The following ADAMTS6 variants were observed in gnomAD, a reference collection of about 807,000 sequenced individuals.
The protein encoded by ADAMTS6 is A disintegrin and metalloproteinase with thrombospondin motifs 6.
In ADAMTS6, 23 loss-of-function variants were observed where a neutral mutation model predicts 144.3. The ratio of observed to expected loss-of-function variants is 0.16; its 90% CI spans 0.11 to 0.23. The LOEUF is 0.23. Ranked by LOEUF, ADAMTS6 falls within the 10% of genes least tolerant of loss-of-function variation. The probability of loss-of-function intolerance (pLI) is 1.00; values close to 1 mark genes in which losing one functional copy is unlikely to be tolerated. For missense variants in ADAMTS6, 999 were observed against 1,379.6 expected (o/e 0.72, Z 4.37); for synonymous variants, 444 against 457.5 (o/e 0.97, Z 0.38).
At chr5:65,436,306 G>A (rs941836565) in intron 7 of ADAMTS6, among the ~76,000 whole-genome samples, 1 of 152,014 alleles carries the variant, frequency 6.6e-6, no homozygotes, top group African/African-American at 2.4e-5. Context: ...GTAAGACCTT[G>A]TCTCAAAACA....
chr5:65,224,290 C>T, intron 18 of ADAMTS6, 30 bp downstream of exon 18: 1 of 1,584,918 alleles, frequency 6.3e-7, no homozygotes, highest in Non-Finnish European at 8.7e-7. Context: ...CTTTTAAAAT[C>T]CAGCAAACTA....
At chr5:65,465,810 T>C (rs1759949596) in intron 3 of ADAMTS6, among the ~76,000 whole-genome samples, 1 of 152,214 alleles carries the variant, frequency 6.6e-6, no homozygotes, top group Non-Finnish European at 1.5e-5. Context: ...TTCTATGTTG[T>C]TTCTGCTACA....
chr5:65,441,623 TC>T (rs1383816974), intron 7 of ADAMTS6, among the ~76,000 whole-genome samples: 1 of 152,106 alleles, frequency 6.6e-6, no homozygotes, highest in Non-Finnish European at 1.5e-5. Flanking sequence ...GAATGCACAT[TC>T]TTTTCAAGCG....
chr5:65,237,047 A>C (rs1186217950), intron 15 of ADAMTS6, among the ~76,000 whole-genome samples: 1 of 152,090 alleles, frequency 6.6e-6, no homozygotes, highest in Admixed American at 6.6e-5. Context: ...ATTTTATGTC[A>C]ATAAACTGGA....
chr5:65,420,161 T>C (rs1180874248), intron 7 of ADAMTS6, among the ~76,000 whole-genome samples: 1 of 152,062 alleles, frequency 6.6e-6, no homozygotes. Context: ...AATAAAACCA[T>C]CAGATCTTGT....
At chr5:65,468,271 T>C (rs1162326653) in intron 3 of ADAMTS6, among the ~76,000 whole-genome samples, 1 of 152,036 alleles carries the variant, frequency 6.6e-6, no homozygotes, top group East Asian at 1.9e-4. Flanking sequence ...ATTAAAAACA[T>C]AGAATTTATT....
intron 15 of ADAMTS6, among the ~76,000 whole-genome samples, chr5:65,239,421 T>C (rs1391080154): frequency 1.3e-5 from 2 of 152,196 alleles, no homozygotes; most frequent in African/African-American, 4.8e-5. Flanking sequence ...AGATAGATCA[T>C]AGATGTAAAT....
chr5:65,465,131 T>G (rs1759902272), intron 3 of ADAMTS6, among the ~76,000 whole-genome samples: 1 of 152,218 alleles, frequency 6.6e-6, no homozygotes, highest in African/African-American at 2.4e-5. Flanking sequence ...TAACTGTAAC[T>G]GTAATGCTTC....
At chr5:65,161,108 G>A (rs1286352712) in intron 24 of ADAMTS6, among the ~76,000 whole-genome samples, 2 of 151,644 alleles carry the variant, frequency 1.3e-5, no homozygotes, top group African/African-American at 4.8e-5. Flanking sequence ...GTGTGATCAT[G>A]GCTCACTGCA....
intron 12 of ADAMTS6, among the ~76,000 whole-genome samples, chr5:65,269,388 AT>A (rs1488094454): frequency 1.3e-5 from 2 of 152,186 alleles, no homozygotes; most frequent in African/African-American, 2.4e-5. Flanking sequence ...TCTTATTGTG[AT>A]TCCTAAAAGG....
chr5:65,213,051 T>G (rs1055319843), intron 20 of ADAMTS6, among the ~76,000 whole-genome samples: 3 of 152,212 alleles, frequency 2.0e-5, no homozygotes, highest in African/African-American at 7.2e-5. Context: ...AATAATGCAA[T>G]GGCATATACT....
intron 21 of ADAMTS6, among the ~76,000 whole-genome samples, chr5:65,194,887 T>TA: frequency 6.6e-6 from 1 of 152,224 alleles, no homozygotes; most frequent in Middle Eastern, 3.4e-3. Context: ...CTTAAACTGT[T>TA]AAAAAACAAA....
chr5:65,279,710 T>A (rs1048202414), intron 11 of ADAMTS6, among the ~76,000 whole-genome samples: 17 of 152,226 alleles, frequency 1.1e-4, no homozygotes, highest in African/African-American at 3.9e-4. Context: ...AACTATTAGT[T>A]ATTATCTCTT....
At chr5:65,307,013 C>A (rs10471312) in intron 9 of ADAMTS6, among the ~76,000 whole-genome samples, 84,433 of 151,978 alleles carry the variant, frequency 0.56, 23,912 homozygotes, top group African/African-American at 0.67. Context: ...TTAAACTCTT[C>A]ATTTTAATGT....
intron 7 of ADAMTS6, among the ~76,000 whole-genome samples, chr5:65,429,238 C>T (rs1205354150): frequency 6.6e-6 from 1 of 152,176 alleles, no homozygotes; most frequent in Non-Finnish European, 1.5e-5. Flanking sequence ...AAAGAAGAAT[C>T]TGGATAAACA....
At chr5:65,253,340 T>C (rs1760349584) in intron 14 of ADAMTS6, among the ~76,000 whole-genome samples, 1 of 152,232 alleles carries the variant, frequency 6.6e-6, no homozygotes. Context: ...GAGCACTGAT[T>C]AGAAAATTCT....
chr5:65,224,784 AAATGACTG>A, intron 17 of ADAMTS6, 132 bp downstream of exon 17: 1 of 986,998 alleles, frequency 1.0e-6, no homozygotes, highest in East Asian at 2.6e-5. Flanking sequence ...TTTAACACTA[AAATGACTG>A]AAAGCAATTT....
chr5:65,390,944 T>G (rs1296960728), intron 7 of ADAMTS6, among the ~76,000 whole-genome samples: 1 of 149,012 alleles, frequency 6.7e-6, no homozygotes, highest in Non-Finnish European at 1.5e-5. Flanking sequence ...GTTTTGTTTG[T>G]TTTTTGAGGG....
At chr5:65,408,237 C>T (rs946282968) in intron 7 of ADAMTS6, among the ~76,000 whole-genome samples, 18 of 152,138 alleles carry the variant, frequency 1.2e-4, no homozygotes, top group Admixed American at 5.2e-4. Flanking sequence ...CATCAGTGTG[C>T]TGTATTCAGG....
Sources: gnomAD v4.1 joint callset for allele counts (sites outside exome capture counted in the v4.1 genomes callset) on GRCh38, gnomAD v4.1.1 for gene constraint, MANE v1.5 for transcripts, NCBI Gene and HGNC (gene_info 2026-07-23, HGNC 2026-07-21) for gene names.